Variants in PTK7 observed in about 807,000 individuals in gnomAD.
PTK7 encodes inactive tyrosine-protein kinase 7.
A neutral mutation model predicts 116.6 loss-of-function variants in PTK7; 39 were observed. The observed-to-expected ratio is 0.33, with a 90% confidence interval of 0.26 to 0.44. The LOEUF is 0.44. PTK7 is among the 20% of genes least tolerant of loss of function. The probability of loss-of-function intolerance (pLI) is 1.00; values close to 1 mark genes in which losing one functional copy is unlikely to be tolerated. For synonymous variants in PTK7, 546 were observed against 563.6 expected (o/e 0.97, Z 0.44); for missense variants, 1,169 against 1,425.6 (o/e 0.82, Z 2.90).
chr6:43,098,276 C>G (rs897279424), intron 1 of PTK7, among the ~76,000 whole-genome samples: 6 of 152,078 alleles, frequency 3.9e-5, no homozygotes, highest in African/African-American at 1.4e-4. Context: ...CAAATCTATT[C>G]CCTCTCCTTT....
At chr6:43,149,408 G>T (rs1582208100) in intron 17 of PTK7, among the ~76,000 whole-genome samples, 1 of 152,166 alleles carries the variant, frequency 6.6e-6, no homozygotes, top group Non-Finnish European at 1.5e-5. Flanking sequence ...CCATGACTCA[G>T]AATGAGGGAA....
In PTK7 at chr6:43,129,082, A is replaced by G. The variant is rs757011611; in HGVS notation, c.185A>G (p.His62Arg). ...RCEVEAPGPV[H>R]VYWLLDGAPV... Reference sequence around the variant, plus strand: ...GAGGTTGAGGCTCCGGGCCCGGTACATGTGTACTGGCTGCTCGATGGGGCC... The same window carrying G: ...GAGGTTGAGGCTCCGGGCCCGGTACGTGTGTACTGGCTGCTCGATGGGGCC... The change falls in exon 2 of 20, where the codon CAT becomes CGT. Residue 62 changes from histidine to arginine, a missense_variant. Around this residue, in one of 3 missense-constraint regions of PTK7, gnomAD observed 487 missense variants for 549.8 expected, o/e 0.89. Transcript: ENST00000230419. This position sits in a 1 kb window ranked among gnomAD's most constrained non-coding sequence, Gnocchi z 4.5. 10 of 1,614,196 alleles carry G rather than the reference A, an allele frequency of 6.2e-6. No individual in the cohort carries two copies. In the East Asian group the frequency reaches 2.0e-4, roughly 32 times the overall value.
chr6:43,100,226 A>G (rs146807669), intron 1 of PTK7, among the ~76,000 whole-genome samples: 277 of 152,160 alleles, frequency 1.8e-3, no homozygotes, highest in African/African-American at 6.0e-3. Flanking sequence ...TACTAAAAAT[A>G]TGAAAAATTA....
chr6:43,118,889 C>T (rs77609012), intron 1 of PTK7, among the ~76,000 whole-genome samples: 2,909 of 150,708 alleles, frequency 0.019, 94 homozygotes, highest in African/African-American at 0.066. Flanking sequence ...TCACTTCAGC[C>T]TCCCAAGTAG....
In PTK7 at chr6:43,132,156, A is replaced by G. The variant is rs1769724261; in HGVS notation, c.953A>G (p.His318Arg). 6.2e-7 allele frequency: 1 copy of G among 1,609,498 alleles called. No homozygotes were observed. Among genetic ancestry groups the G allele is most frequent in the African/African-American group, 1.3e-5 (1 of 74,832 alleles). ...GPPIILEATL[H>R]LAEIEDMPLF... ...CCCATCATCCTGGAAGCCACACTTC[A>G]CCTAGCAGGTGAGTCTCTGGGTCTG... is the stretch of plus-strand genomic sequence containing the variant. The change falls in exon 6 of 20, where the codon CAC (histidine) becomes CGC (arginine). Residue 318 changes from histidine to arginine, a missense_variant. Around this residue, in one of 3 missense-constraint regions of PTK7, gnomAD observed 487 missense variants for 549.8 expected, o/e 0.89. Transcript: ENST00000230419.
At chr6:43,135,649 C>T (rs1165746363) in intron 7 of PTK7, among the ~76,000 whole-genome samples, 2 of 152,160 alleles carry the variant, frequency 1.3e-5, no homozygotes, top group Non-Finnish European at 2.9e-5. Flanking sequence ...ACAGTAGTCG[C>T]CTGTGTGGCT....
intron 7 of PTK7, among the ~76,000 whole-genome samples, chr6:43,136,139 G>C (rs1770024867): frequency 6.6e-6 from 1 of 151,828 alleles, no homozygotes; most frequent in Admixed American, 6.6e-5. Flanking sequence ...CTGGGCGACA[G>C]AGCGAGACTC....
intron 17 of PTK7, among the ~76,000 whole-genome samples, chr6:43,152,806 G>A (rs887218133): frequency 3.5e-5 from 5 of 141,794 alleles, no homozygotes; most frequent in African/African-American, 1.0e-4. Flanking sequence ...ATTCTTTAGA[G>A]ACAGAGTCTT....
intron 1 of PTK7, among the ~76,000 whole-genome samples, chr6:43,117,832 A>G (rs1439046070): frequency 6.6e-6 from 1 of 151,818 alleles, no homozygotes; most frequent in Admixed American, 6.6e-5. Flanking sequence ...GCTACTCAGG[A>G]GGCTGAGGCA....
At position 43,151,533 on chromosome 6, in the gene PTK7, TG is replaced by T. The variant is rs1211614432; in HGVS notation, c.2721+4836del. Among the ~76,000 whole-genome samples the T allele has an allele frequency of 3.3e-4, 36 of 109,796 alleles. 1 individual carries two copies. The highest frequency in any genetic ancestry group is 4.6e-3 in the Middle Eastern group (1 of 216). 72.0% of individuals were successfully genotyped at this position (109,796 alleles called of 152,430 possible). A position where few individuals can be genotyped will look rare whatever the true frequency, so the allele number is the denominator to read the frequency against. ...AAGCCCCGTTTTTTTGTTTGTTTTT[TG>T]TTTTTTTTTTTTTTCGGAGACGGAG... On this transcript the variant is annotated intron_variant, in intron 17 of 19. Coordinates refer to ENST00000230419, the MANE Select transcript of PTK7 (RefSeq NM_002821.5).
intron 1 of PTK7, among the ~76,000 whole-genome samples, chr6:43,113,992 GC>G (rs1287151760): frequency 6.6e-6 from 1 of 151,958 alleles, no homozygotes; most frequent in Non-Finnish European, 1.5e-5. Flanking sequence ...ACCCTGAGCA[GC>G]CCCGGGGCCT....
intron 1 of PTK7, among the ~76,000 whole-genome samples, chr6:43,085,933 CAA>C (rs752791085): frequency 0.042 from 3,064 of 72,342 alleles, 45 homozygotes; most frequent in Non-Finnish European, 0.06. Flanking sequence ...AACTCTGTCT[CAA>C]AAAAAAAAAA....
chr6:43,111,631 C>G (rs973105124), intron 1 of PTK7, among the ~76,000 whole-genome samples: 2 of 152,132 alleles, frequency 1.3e-5, no homozygotes, highest in African/African-American at 4.8e-5. Flanking sequence ...CTTTTTGCAA[C>G]AAGCCTATGA....
rs1466135411 is a variant in PTK7 at position 43,157,351 on chromosome 6, TATATA to T, written c.2722-1465_2722-1461del. 7.7e-3 allele frequency among the ~76,000 whole-genome samples: 94 copies of T among 12,242 alleles called. 9 individuals are homozygous for T. The highest frequency in any genetic ancestry group is 0.021 in the Non-Finnish European group (81 of 3,886). The allele number at this position is 12,242 out of a possible 152,430, so 8.0% of individuals were successfully genotyped here. A position where few individuals can be genotyped will look rare whatever the true frequency, so the allele number is the denominator to read the frequency against. On this transcript the variant is annotated intron_variant, in intron 17 of 19. Transcript: ENST00000230419. Reference sequence around the variant, plus strand: ...CTATATATATATATATATATATATATATATATATATATATTTTTTTTTTTCTTTTT... The same window carrying T: ...CTATATATATATATATATATATATATTATATATATTTTTTTTTTTCTTTTT...
chr6:43,128,130 G>T (rs1769411278), intron 1 of PTK7, among the ~76,000 whole-genome samples: 1 of 152,140 alleles, frequency 6.6e-6, no homozygotes, highest in South Asian at 2.1e-4. Context: ...ACCGTCGAGG[G>T]GCATGAGTGA....
At chr6:43,103,562 T>TA (rs1767699826) in intron 1 of PTK7, among the ~76,000 whole-genome samples, 2 of 152,098 alleles carry the variant, frequency 1.3e-5, no homozygotes, top group African/African-American at 4.8e-5. Flanking sequence ...CGGAGTCAAA[T>TA]ATGCCCAATC....
chr6:43,078,050 C>T (rs536769644), intron 1 of PTK7, among the ~76,000 whole-genome samples: 29 of 152,344 alleles, frequency 1.9e-4, no homozygotes, highest in East Asian at 1.4e-3. Context: ...GCTCACAGGC[C>T]CCCTGGCTGT....
Position 43,129,949 on chromosome 6 carries a change from C to A in PTK7, c.470+120C>A. The A allele has an allele frequency of 9.8e-7, 1 of 1,023,684 alleles. No individual in the cohort carries two copies. Among genetic ancestry groups the A allele is most frequent in the Non-Finnish European group, 1.5e-6 (1 of 684,816 alleles). 63.4% of individuals were successfully genotyped at this position (1,023,684 alleles called of 1,614,324 possible). A position where few individuals can be genotyped will look rare whatever the true frequency, so the allele number is the denominator to read the frequency against. ...TCTGTGACCACTCGTTCCACCACCA[C>A]AGTGCTCTTCACCCTGCCCTCCCCC... On this transcript the variant is annotated intron_variant, in intron 3 of 19. Coordinates refer to ENST00000230419, the MANE Select transcript of PTK7 (RefSeq NM_002821.5). This position sits in a 1 kb window ranked among gnomAD's most constrained non-coding sequence, Gnocchi z 4.5.
chr6:43,130,756 T>C (rs943453376), intron 5 of PTK7, 95 bp downstream of exon 5: 47 of 1,472,064 alleles, frequency 3.2e-5, no homozygotes, highest in African/African-American at 4.2e-5. Flanking sequence ...ATCACAGATT[T>C]GTACATGTAT....
Sources: allele counts gnomAD v4.1 joint callset (sites outside exome capture counted in the v4.1 genomes callset), GRCh38; gene constraint gnomAD v4.1.1; regional missense constraint gnomAD v4.1.1; non-coding constraint Gnocchi (gnomAD v3.1); transcripts MANE v1.5; gene names NCBI Gene and HGNC (gene_info 2026-07-23, HGNC 2026-07-21).